The following LINS1 variants were observed in gnomAD, a reference collection of about 807,000 sequenced individuals.
The protein encoded by LINS1 is protein Lines homolog 1.
In LINS1, 27 loss-of-function variants were observed where a neutral mutation model predicts 41.6. The observed-to-expected ratio is 0.65, with a 90% CI of 0.48 to 0.89. The LOEUF (loss-of-function observed/expected upper bound fraction) is 0.89, where lower values mean the gene tolerates loss of function less well. Ranked by LOEUF, LINS1 falls within the 40% of genes least tolerant of loss-of-function variation. The probability of loss-of-function intolerance (pLI) is 0.00; values close to 1 mark genes in which losing one functional copy is unlikely to be tolerated. For synonymous variants in LINS1, 336 were observed against 312.9 expected, an observed-to-expected ratio of 1.07 and a Z score of -0.78; for missense variants, 955 against 884.1, an observed-to-expected ratio of 1.08 and a Z score of -1.02.
chr15:100,583,264 T>A (rs963761400), intron 1 of LINS1, among the ~76,000 whole-genome samples: 3 of 152,166 alleles, frequency 2.0e-5, no homozygotes. Flanking sequence ...GGTCTTATAC[T>A]GGGTCTTCCG....
At position 100,580,321 on chromosome 15, in the gene LINS1, A is replaced by G; in HGVS notation, c.431T>C (p.Leu144Ser). 1 of 1,612,932 alleles carries G rather than the reference A, an allele frequency of 6.2e-7. No homozygotes were observed. The highest frequency in any genetic ancestry group is 8.5e-7 in the Non-Finnish European group (1 of 1,179,132). Residue 144 changes from leucine to serine, a missense_variant, in exon 3 of 7, where the codon TTA becomes TCA. By Grantham distance (145) the Leu-to-Ser change is moderately radical. Coordinates refer to ENST00000314742, the MANE Select transcript of LINS1 (RefSeq NM_001040616.3). Reference protein sequence around the residue: ...ICMFQNSDKLLSHMAAQCLAL... With the variant: ...ICMFQNSDKLSSHMAAQCLAL... The stretch of plus-strand genomic sequence containing the variant: ...AAGGCACTGTGCAGCCATGTGAGAT[A>G]ACAATTTATCTGAATTTTGGAACAT...
Position 100,569,826 on chromosome 15 carries a change from T to G in LINS1, c.1686A>C (p.Ser562=), listed in dbSNP as rs753559919. Residue 562 remains serine (S), a synonymous_variant, in exon 7 of 7, where the codon TCA becomes TCC. Transcript: ENST00000314742. ...GGTTGGAGCTTTGGTCTTGGACAAG[T>G]GAGGGGACACAGCCACAAATACTTA... ...YDISICGCVP[S]LVQDQSSNQT... is the part of the protein sequence containing the mutation. 1.2e-6 allele frequency: 2 copies of G among 1,614,146 alleles called. No individual in the cohort carries two copies. Among genetic ancestry groups the G allele is most frequent in the South Asian group, 1.1e-5 (1 of 91,076 alleles).
At chr15:100,573,324 A>AC in intron 5 of LINS1, 2 of 1,090,158 alleles carry the variant, frequency 1.8e-6, no homozygotes, top group Non-Finnish European at 2.3e-6. Flanking sequence ...TAAAAAAAAA[A>AC]AAAGGATTAA....
intron 1 of LINS1, among the ~76,000 whole-genome samples, chr15:100,600,494 A>C (rs1312933292): frequency 1.3e-5 from 2 of 150,214 alleles, no homozygotes; most frequent in African/African-American, 5.0e-5. Flanking sequence ...TCATTTAACA[A>C]TACTAATAAA....
chr15:100,577,532 A>C (rs529132913), intron 3 of LINS1, among the ~76,000 whole-genome samples: 1 of 152,356 alleles, frequency 6.6e-6, no homozygotes, highest in South Asian at 2.1e-4. Flanking sequence ...GAGGACACAA[A>C]CAAATGGAAG....
intron 1 of LINS1, among the ~76,000 whole-genome samples, chr15:100,590,597 C>G (rs539161045): frequency 1.3e-5 from 2 of 152,324 alleles, no homozygotes; most frequent in African/African-American, 2.4e-5. Flanking sequence ...TCTCTAAAGG[C>G]TACAGTTATG....
At chr15:100,599,192 ATAT>A (rs1168958807) in intron 1 of LINS1, among the ~76,000 whole-genome samples, 2 of 152,238 alleles carry the variant, frequency 1.3e-5, no homozygotes, top group African/African-American at 2.4e-5. Flanking sequence ...TGTGAGTTTT[ATAT>A]TATTAACTAA....
At chr15:100,584,372 A>G (rs1175630071) in intron 1 of LINS1, among the ~76,000 whole-genome samples, 1 of 152,218 alleles carries the variant, frequency 6.6e-6, no homozygotes, top group African/African-American at 2.4e-5. Flanking sequence ...ACCCATAAAA[A>G]GGGCAATTTC....
At position 100,569,122 on chromosome 15, in the gene LINS1, CAAA is replaced by C. The variant is rs56225071; in HGVS notation, c.*113_*115del. 2.5e-3 allele frequency: 1,184 copies of C among 474,252 alleles called. No homozygotes were observed. The highest frequency in any genetic ancestry group is 5.1e-3 in the East Asian group (142 of 27,998). The allele number at this position is 474,252 out of a possible 1,614,324, so 29.4% of individuals were successfully genotyped here. A position where few individuals can be genotyped will look rare whatever the true frequency, so the allele number is the denominator to read the frequency against. On this transcript the variant is annotated 3_prime_UTR_variant, in exon 7 of 7. Transcript: ENST00000314742. Reference sequence around the variant, plus strand: ...TGAGCGACAGAATGAGATTCTGTCTCAAAAAAAAAAAAAAAAAAGAAAACCCTT... The same window carrying C: ...TGAGCGACAGAATGAGATTCTGTCTCAAAAAAAAAAAAAAAGAAAACCCTT...
rs533864178 is a variant in LINS1 at position 100,573,090 on chromosome 15, A to G, written c.1222+561T>C. 4.6e-5 allele frequency: 7 copies of G among 152,278 alleles called. No homozygotes were observed. In the South Asian group the frequency reaches 1.1e-3, roughly 23 times the overall value. 9.4% of individuals were successfully genotyped at this position (152,278 alleles called of 1,614,324 possible). A position where few individuals can be genotyped will look rare whatever the true frequency, so the allele number is the denominator to read the frequency against. ...TAAACACATAAGTGGGAGTGAACAT[A>G]TTTTTCTTTAATCTCTCTGTCTTCT... On this transcript the variant is annotated intron_variant, in intron 5 of 6. Transcript: ENST00000314742.
At chr15:100,573,591 G>T in intron 5 of LINS1, 60 bp downstream of exon 5, 1 of 1,039,966 alleles carries the variant, frequency 9.6e-7, no homozygotes, top group Non-Finnish European at 1.5e-6. Flanking sequence ...TGATAATTAT[G>T]AATTACTGTA....
chr15:100,576,578 C>G (rs912468497), intron 3 of LINS1: 1 of 152,196 alleles, frequency 6.6e-6, no homozygotes, highest in Non-Finnish European at 1.5e-5. Context: ...GATTCACAGC[C>G]GAATTCTACC....
rs745829809 is a variant in LINS1, at chr15:100,580,320, T to C, written c.432A>G (p.Leu144=). The change falls in exon 3 of 7, where the codon TTA becomes TTG. Residue 144 remains leucine, a synonymous_variant. Transcript: ENST00000314742. ...ICMFQNSDKL[L]SHMAAQCLAL... is the part of the protein sequence containing the mutation. ...CAAGGCACTGTGCAGCCATGTGAGA[T>C]AACAATTTATCTGAATTTTGGAACA... 3 of 1,613,058 alleles carry C rather than the reference T, an allele frequency of 1.9e-6. No individual in the cohort carries two copies. The highest frequency in any genetic ancestry group is 1.3e-5 in the African/African-American group (1 of 74,902).
chr15:100,572,727 G>C (rs2037900860), intron 5 of LINS1: 1 of 984,782 alleles, frequency 1.0e-6, no homozygotes, highest in African/African-American at 1.7e-5. Context: ...TGCCTGTTTA[G>C]AGACATTTAC....
At position 100,580,786 on chromosome 15, in the gene LINS1, G is replaced by A; in HGVS notation, c.57C>T (p.Ala19=). Reference sequence around the variant, plus strand: ...AATCATGGCTGTCATTTTCAAGTGTGGCTCCAAGAAGTACCTTCTTGTATA... The same window carrying A: ...AATCATGGCTGTCATTTTCAAGTGTAGCTCCAAGAAGTACCTTCTTGTATA... ...EELYKKVLLG[A]TLENDSHDYI... Residue 19 remains alanine, a synonymous_variant, in exon 2 of 7, where the codon GCC becomes GCT. Coordinates refer to ENST00000314742, the MANE Select transcript of LINS1 (RefSeq NM_001040616.3). 1.2e-6 allele frequency: 2 copies of A among 1,609,750 alleles called. No individual in the cohort carries two copies. The highest frequency in any genetic ancestry group is 1.7e-6 in the Non-Finnish European group (2 of 1,177,176).
At chr15:100,594,670 T>A (rs1197547209) in intron 1 of LINS1, among the ~76,000 whole-genome samples, 2 of 152,218 alleles carry the variant, frequency 1.3e-5, no homozygotes, top group African/African-American at 4.8e-5. Context: ...TATGTAAATA[T>A]TTGTTACACT....
At position 100,569,172 on chromosome 15, in the gene LINS1, A is replaced by T; in HGVS notation, c.*66T>A. ...CCTTTTATGGTGATGATTTTATACT[A>T]TTACCTCATTGAGACATAATTTATA... is the stretch of plus-strand genomic sequence containing the variant. On this transcript the variant is annotated 3_prime_UTR_variant, in exon 7 of 7. Transcript: ENST00000314742. The T allele has an allele frequency of 9.3e-7, 1 of 1,075,488 alleles. No homozygotes were observed. The highest frequency in any genetic ancestry group is 1.4e-6 in the Non-Finnish European group (1 of 713,002). The allele number at this position is 1,075,488 out of a possible 1,614,324, so 66.6% of individuals were successfully genotyped here.
chr15:100,574,997 T>C lies in LINS1; in HGVS notation c.621A>G (p.Ser207=). Residue 207 remains serine, a synonymous_variant, in exon 4 of 7, where the codon TCA becomes TCG. Coordinates refer to ENST00000314742, the MANE Select transcript of LINS1 (RefSeq NM_001040616.3). The part of the protein sequence containing the change: ...IIKEIFKDSC[S]QKTEILKQFL... ...CCATGTAATCCATACCTGTTTTCTG[T>C]GAACATGAATCTTTAAAGATTTCTT... 1 of 1,612,688 alleles carries C rather than the reference T, an allele frequency of 6.2e-7. No homozygotes were observed. The highest frequency in any genetic ancestry group is 8.5e-7 in the Non-Finnish European group (1 of 1,179,490).
intron 1 of LINS1, among the ~76,000 whole-genome samples, 200 bp from the exon 2 acceptor site, chr15:100,581,145 C>T (rs536516381): frequency 1.8e-3 from 272 of 152,274 alleles, no homozygotes; most frequent in African/African-American, 6.3e-3. Context: ...GATTTGAGAG[C>T]ATAAAATTAG....
Sources: allele counts gnomAD v4.1 joint callset (sites outside exome capture counted in the v4.1 genomes callset), GRCh38; gene constraint gnomAD v4.1.1; transcripts MANE v1.5; gene names NCBI Gene and HGNC (gene_info 2026-07-23, HGNC 2026-07-21).